Variants in KHDRBS3 observed in about 807,000 individuals in gnomAD.
KHDRBS3 encodes KH domain-containing, RNA-binding, signal transduction-associated protein 3.
KHDRBS3 carries 23 observed loss-of-function variants against 45.6 expected under a neutral mutation model. The observed-to-expected ratio is 0.50, with a 90% confidence interval of 0.36 to 0.72. The LOEUF (loss-of-function observed/expected upper bound fraction) is 0.72. KHDRBS3 is among the 30% of genes least tolerant of loss of function. The pLI, the probability that KHDRBS3 is intolerant of heterozygous loss-of-function variation, is 0.00. For synonymous variants in KHDRBS3, 162 were observed against 156.5 expected (o/e 1.04, Z -0.26); for missense variants, 352 against 424.8 (o/e 0.83, Z 1.51).
chr8:135,572,509 T>C (rs905915783), intron 5 of KHDRBS3, among the ~76,000 whole-genome samples: 3 of 152,022 alleles, frequency 2.0e-5, no homozygotes, highest in Non-Finnish European at 4.4e-5. Flanking sequence ...AAACACAGAA[T>C]AAAGAAAAGA....
chr8:135,458,167 A>G, intron 1 of KHDRBS3: 1 of 1,337,464 alleles, frequency 7.5e-7, no homozygotes, highest in Non-Finnish European at 9.6e-7. Context: ...TTGGAAGGAG[A>G]AGGCTGGGGC....
chr8:135,522,773 C>T (rs1163497626), intron 2 of KHDRBS3, among the ~76,000 whole-genome samples: 4 of 152,176 alleles, frequency 2.6e-5, no homozygotes, highest in African/African-American at 9.7e-5. Context: ...TGTATTTTCT[C>T]TAAAAGTGTT....
chr8:135,519,677 T>G (rs1476761356), intron 1 of KHDRBS3, among the ~76,000 whole-genome samples: 1 of 152,242 alleles, frequency 6.6e-6, no homozygotes, highest in Non-Finnish European at 1.5e-5. Context: ...TGTTTTCTAA[T>G]TGCAAAGACA....
chr8:135,634,538 T>G (rs1251158790), intron 7 of KHDRBS3, among the ~76,000 whole-genome samples: 1 of 152,176 alleles, frequency 6.6e-6, no homozygotes, highest in Non-Finnish European at 1.5e-5. Flanking sequence ...TAAAGAAAAT[T>G]ATTTATTTGA....
intron 1 of KHDRBS3, among the ~76,000 whole-genome samples, chr8:135,495,240 C>T (rs950874530): frequency 6.6e-6 from 1 of 152,202 alleles, no homozygotes; most frequent in African/African-American, 2.4e-5. Flanking sequence ...TGGGTCTCAT[C>T]TCTCTTTGGA....
intron 1 of KHDRBS3, among the ~76,000 whole-genome samples, chr8:135,497,870 A>G (rs1160162561): frequency 3.3e-5 from 5 of 152,176 alleles, no homozygotes; most frequent in African/African-American, 7.2e-5. Flanking sequence ...TTCTGTTTGT[A>G]TTATTCCATT....
In KHDRBS3 at chr8:135,457,740, C is replaced by T. The variant is rs935474094; in HGVS notation, c.-127C>T. 2.3e-4 allele frequency: 56 copies of T among 241,388 alleles called. No individual in the cohort carries two copies. Among genetic ancestry groups the T allele is most frequent in the Non-Finnish European group, 3.6e-4 (51 of 141,720 alleles). 15.0% of individuals were successfully genotyped at this position (241,388 alleles called of 1,614,324 possible). A position where few individuals can be genotyped will look rare whatever the true frequency, so the allele number is the denominator to read the frequency against. On this transcript the variant is annotated 5_prime_UTR_variant, in exon 1 of 9. Transcript: ENST00000355849. This position sits in a 1 kb window ranked among gnomAD's most constrained non-coding sequence, Gnocchi z 4.4. ...CGCCGCCTTCCGGCCGACCGCCCGGCTTGGCCGCTGCTGCCGCGTCTGGCC... is the reference window on the plus strand; with the variant it reads ...CGCCGCCTTCCGGCCGACCGCCCGGTTTGGCCGCTGCTGCCGCGTCTGGCC...
intron 5 of KHDRBS3, among the ~76,000 whole-genome samples, chr8:135,572,782 T>G (rs1489940819): frequency 6.6e-6 from 1 of 152,262 alleles, no homozygotes; most frequent in Non-Finnish European, 1.5e-5. Context: ...TTCAAAAGTT[T>G]TAGTCTTCAT....
chr8:135,592,583 TAGATA>T (rs917052617), intron 6 of KHDRBS3, among the ~76,000 whole-genome samples: 4 of 152,168 alleles, frequency 2.6e-5, no homozygotes, highest in Admixed American at 2.6e-4. Flanking sequence ...TGCCTTTAAG[TAGATA>T]AGAGTCTAAG....
chr8:135,614,300 C>T (rs575426790), intron 7 of KHDRBS3, among the ~76,000 whole-genome samples: 1 of 151,802 alleles, frequency 6.6e-6, no homozygotes, highest in African/African-American at 2.4e-5. Context: ...TGATAATGAC[C>T]TCAGCCCTCA....
chr8:135,625,899 A>G, intron 7 of KHDRBS3: 1 of 776,160 alleles, frequency 1.3e-6, no homozygotes, highest in South Asian at 1.3e-5. Context: ...GTTCAACTGC[A>G]GAGACTAATT....
chr8:135,474,835 GA>G (rs1310351865), intron 1 of KHDRBS3, among the ~76,000 whole-genome samples: 1 of 152,214 alleles, frequency 6.6e-6, no homozygotes, highest in African/African-American at 2.4e-5. Flanking sequence ...CTGGAGCTCA[GA>G]AGTCCGCGTG....
intron 5 of KHDRBS3, among the ~76,000 whole-genome samples, chr8:135,577,598 T>C (rs184519430): frequency 6.6e-6 from 1 of 152,300 alleles, no homozygotes; most frequent in Admixed American, 6.5e-5. Context: ...GCTCATTTCT[T>C]TCTACTGCTG....
chr8:135,553,399 C>A (rs1826713595), intron 4 of KHDRBS3, among the ~76,000 whole-genome samples: 2 of 151,752 alleles, frequency 1.3e-5, no homozygotes, highest in South Asian at 4.1e-4. Flanking sequence ...CCAGAAGTCG[C>A]ATGTCCTATT....
intron 5 of KHDRBS3, among the ~76,000 whole-genome samples, chr8:135,574,485 G>A (rs1827862805): frequency 6.6e-6 from 1 of 152,128 alleles, no homozygotes; most frequent in Non-Finnish European, 1.5e-5. Flanking sequence ...GTCAATGATC[G>A]TGGAAGAGAA....
At chr8:135,523,162 A>G (rs1433137835) in intron 2 of KHDRBS3, among the ~76,000 whole-genome samples, 1 of 152,176 alleles carries the variant, frequency 6.6e-6, no homozygotes. Context: ...ACAATTACAT[A>G]TAAATTTAAG....
At chr8:135,595,449 C>G (rs1419787737) in intron 6 of KHDRBS3, among the ~76,000 whole-genome samples, 1 of 152,156 alleles carries the variant, frequency 6.6e-6, no homozygotes, top group East Asian at 1.9e-4. Flanking sequence ...ACCAGATGCT[C>G]TCATTTATAA....
downstream of KHDRBS3, among the ~76,000 whole-genome samples, chr8:135,650,499 C>A (rs1004765542): frequency 6.6e-6 from 1 of 152,166 alleles, no homozygotes; most frequent in African/African-American, 2.4e-5. Context: ...ATCCTCACAG[C>A]CATAAGAAGG....
chr8:135,567,590 C>T (rs1237155903), intron 5 of KHDRBS3, among the ~76,000 whole-genome samples: 1 of 152,124 alleles, frequency 6.6e-6, no homozygotes, highest in Admixed American at 6.5e-5. Flanking sequence ...GCCTTTTGCC[C>T]TTTGTATTGT....
Sources: allele counts gnomAD v4.1 joint callset (sites outside exome capture counted in the v4.1 genomes callset), GRCh38; gene constraint gnomAD v4.1.1; non-coding constraint Gnocchi (gnomAD v3.1); transcripts MANE v1.5; gene names NCBI Gene and HGNC (gene_info 2026-07-23, HGNC 2026-07-21).